The following CTNNA3 variants were observed in gnomAD, a reference collection of about 807,000 sequenced individuals.
CTNNA3 encodes catenin alpha 3.
In CTNNA3, 76 loss-of-function variants were observed where a neutral mutation model predicts 95.7. That is an observed-to-expected ratio of 0.79 (90% confidence interval 0.66 to 0.96). The LOEUF is 0.96. CTNNA3 is among the 40% of genes least tolerant of loss of function. CTNNA3 has a pLI of 0.00. For missense variants in CTNNA3, 1,191 were observed against 1,089.8 expected (o/e 1.09, Z -1.31); for synonymous variants, 431 against 374.4 (o/e 1.15, Z -1.74).
intron 10 of CTNNA3, among the ~76,000 whole-genome samples, chr10:66,534,532 A>C (rs149580343): frequency 4.0e-4 from 60 of 149,254 alleles, no homozygotes; most frequent in Middle Eastern, 7.2e-3. Flanking sequence ...ATATGTATCT[A>C]TAAATCATAC....
chr10:66,521,532 T>A (rs1417192482), intron 10 of CTNNA3, among the ~76,000 whole-genome samples: 2 of 152,262 alleles, frequency 1.3e-5, no homozygotes, highest in Non-Finnish European at 1.5e-5. Flanking sequence ...ACATTGCCCT[T>A]GTTTCAGGAG....
At chr10:67,572,810 G>A (rs1292324231) in intron 3 of CTNNA3, among the ~76,000 whole-genome samples, 1 of 151,998 alleles carries the variant, frequency 6.6e-6, no homozygotes, top group African/African-American at 2.4e-5. Context: ...AGCTATGTTG[G>A]GCCCCAGTAG....
intron 1 of CTNNA3, among the ~76,000 whole-genome samples, chr10:67,658,750 G>A (rs1840097626): frequency 6.6e-6 from 1 of 152,094 alleles, no homozygotes. Context: ...CTAAGTGTGG[G>A]GAACTCCAAG....
chr10:67,291,709 A>G (rs1313655374), intron 5 of CTNNA3, among the ~76,000 whole-genome samples: 1 of 152,206 alleles, frequency 6.6e-6, no homozygotes, highest in Non-Finnish European at 1.5e-5. Context: ...TCACACACAA[A>G]AAGAAAGCTT....
At chr10:66,676,253 T>A (rs1233091593) in intron 9 of CTNNA3, among the ~76,000 whole-genome samples, 2 of 151,738 alleles carry the variant, frequency 1.3e-5, no homozygotes, top group African/African-American at 4.8e-5. Flanking sequence ...GCTGCTGGGA[T>A]AGGAAAAGGT....
chr10:66,692,875 G>C (rs1237388061), intron 9 of CTNNA3, among the ~76,000 whole-genome samples: 1 of 152,046 alleles, frequency 6.6e-6, no homozygotes, highest in African/African-American at 2.4e-5. Context: ...CTTCATAAGT[G>C]AAGGAGAAAT....
chr10:67,297,327 G>C (rs1840081872), intron 5 of CTNNA3, among the ~76,000 whole-genome samples: 1 of 152,152 alleles, frequency 6.6e-6, no homozygotes, highest in Admixed American at 6.5e-5. Flanking sequence ...TCCCTGACCA[G>C]CCAATCAGTT....
chr10:66,629,358 C>G (rs1048304923), intron 9 of CTNNA3, among the ~76,000 whole-genome samples: 1 of 151,950 alleles, frequency 6.6e-6, no homozygotes, highest in African/African-American at 2.4e-5. Context: ...TCCCATCTAT[C>G]CATTTTAAAA....
chr10:67,222,491 A>T (rs1864708843), intron 5 of CTNNA3, among the ~76,000 whole-genome samples: 1 of 152,228 alleles, frequency 6.6e-6, no homozygotes, highest in Non-Finnish European at 1.5e-5. Flanking sequence ...TATAAGTGGA[A>T]AATAGAGAAA....
intron 13 of CTNNA3, among the ~76,000 whole-genome samples, chr10:66,108,809 A>G (rs2082005794): frequency 6.6e-6 from 1 of 152,218 alleles, no homozygotes; most frequent in Non-Finnish European, 1.5e-5. Context: ...ATTTCACAAG[A>G]AAATCATGGG....
chr10:66,877,374 G>C (rs922599701), intron 7 of CTNNA3, among the ~76,000 whole-genome samples: 4 of 152,126 alleles, frequency 2.6e-5, no homozygotes, highest in Non-Finnish European at 4.4e-5. Flanking sequence ...TGCACAGCAG[G>C]CACATTGCTT....
At chr10:66,157,491 GTAGATAGATAGATAGATAGA>G (rs34507083) in intron 13 of CTNNA3, among the ~76,000 whole-genome samples, 23,998 of 147,382 alleles carry the variant, frequency 0.16, 2,313 homozygotes, top group South Asian at 0.39. Flanking sequence ...AGATAGATAT[GTAGATAGATAGATAGATAGA>G]TAGATAGATA....
chr10:66,508,158 T>C (rs892984475), intron 11 of CTNNA3, among the ~76,000 whole-genome samples: 2 of 151,084 alleles, frequency 1.3e-5, no homozygotes, highest in African/African-American at 4.9e-5. Flanking sequence ...ATTAAGAGTG[T>C]GGTGGTGCAG....
intron 9 of CTNNA3, among the ~76,000 whole-genome samples, chr10:66,712,728 C>T (rs1848336139): frequency 6.6e-6 from 1 of 152,104 alleles, no homozygotes; most frequent in Admixed American, 6.6e-5. Context: ...GAAAACCTTG[C>T]TGAAAATTGA....
chr10:66,481,558 G>A (rs1056530055), intron 11 of CTNNA3, among the ~76,000 whole-genome samples: 11 of 114,452 alleles, frequency 9.6e-5, no homozygotes, highest in African/African-American at 1.7e-4. Flanking sequence ...TGCAAGCTCC[G>A]CCTCCCGGGT....
At chr10:67,672,994 A>G (rs1017161404) in intron 1 of CTNNA3, among the ~76,000 whole-genome samples, 77 of 151,728 alleles carry the variant, frequency 5.1e-4, no homozygotes, top group African/African-American at 1.8e-3. Context: ...ACCCATGAGC[A>G]TGGAATGTTC....
intron 7 of CTNNA3, among the ~76,000 whole-genome samples, chr10:67,085,730 A>G (rs773819532): frequency 6.6e-6 from 1 of 151,972 alleles, no homozygotes; most frequent in Non-Finnish European, 1.5e-5. Context: ...GTTATAATCT[A>G]TTCAGTTCCC....
At chr10:66,048,540 C>T (rs2079878421) in intron 15 of CTNNA3, among the ~76,000 whole-genome samples, 1 of 152,092 alleles carries the variant, frequency 6.6e-6, no homozygotes, top group Non-Finnish European at 1.5e-5. Context: ...ACGGGCGGAT[C>T]ACGAGGTCAG....
intron 7 of CTNNA3, among the ~76,000 whole-genome samples, chr10:67,140,298 C>T (rs1358264003): frequency 1.3e-5 from 2 of 152,042 alleles, no homozygotes; most frequent in African/African-American, 2.4e-5. Flanking sequence ...TGGTTAATAA[C>T]ATATTTAAAG....
Sources: allele counts gnomAD v4.1 joint callset (sites outside exome capture counted in the v4.1 genomes callset), GRCh38; gene constraint gnomAD v4.1.1; transcripts MANE v1.5; gene names NCBI Gene and HGNC (gene_info 2026-07-23, HGNC 2026-07-21).